DAAM1: variants seen among roughly 807,000 people sequenced by gnomAD.
The protein encoded by DAAM1 is dishevelled associated activator of morphogenesis 1.
Under a neutral mutation model 130.0 loss-of-function variants are expected in DAAM1, and 52 were observed. That is an observed-to-expected ratio of 0.40 (90% confidence interval 0.32 to 0.50). The LOEUF is 0.50. DAAM1 is among the 20% of genes least tolerant of loss of function. DAAM1 has a pLI of 0.61. For synonymous variants in DAAM1, 452 were observed against 444.5 expected (o/e 1.02, Z -0.21); for missense variants, 1,134 against 1,303.8 (o/e 0.87, Z 2.01).
intron 1 of DAAM1, among the ~76,000 whole-genome samples, chr14:59,192,500 G>C (rs1887763808): frequency 1.3e-5 from 2 of 152,106 alleles, no homozygotes; most frequent in African/African-American, 4.8e-5. Flanking sequence ...GCCGTGCTCT[G>C]GTATTTCCAG....
At chr14:59,275,201 C>T (rs999976243) in intron 2 of DAAM1, among the ~76,000 whole-genome samples, 13 of 152,000 alleles carry the variant, frequency 8.6e-5, no homozygotes, top group African/African-American at 2.4e-4. Context: ...GCTGTATCCC[C>T]GGAGATGAAG....
chr14:59,269,676 T>G (rs548053526), intron 2 of DAAM1, among the ~76,000 whole-genome samples: 4 of 152,314 alleles, frequency 2.6e-5, no homozygotes, highest in African/African-American at 9.6e-5. Flanking sequence ...CCCCCATGAT[T>G]GCCTAACCTA....
chr14:59,360,817 CAAAG>C lies in DAAM1; in HGVS notation c.2653_2656del (p.Glu885Ter). 6.2e-7 allele frequency: 1 copy of C among 1,613,764 alleles called. No homozygotes were observed. The highest frequency in any genetic ancestry group is 8.5e-7 in the Non-Finnish European group (1 of 1,179,842). Reference sequence around the variant, plus strand: ...TTTACAACAGCATGACTGAGCTGGACAAAGAAATAAGTACCTTGAGAAGTGGCTT... The same window carrying C: ...TTTACAACAGCATGACTGAGCTGGACAAATAAGTACCTTGAGAAGTGGCTT... On this transcript the variant is annotated frameshift_variant, in exon 22 of 25. Transcript: ENST00000360909. LOFTEE classifies it high-confidence loss of function.
intron 3 of DAAM1, among the ~76,000 whole-genome samples, chr14:59,304,315 C>T (rs1884294632): frequency 6.6e-6 from 1 of 152,228 alleles, no homozygotes; most frequent in Non-Finnish European, 1.5e-5. Context: ...ACTATTGAAT[C>T]ATTCCATTCT....
chr14:59,360,270 TAAAAA>T (rs199932148), intron 21 of DAAM1, among the ~76,000 whole-genome samples: 2 of 152,064 alleles, frequency 1.3e-5, no homozygotes, highest in African/African-American at 4.8e-5. Flanking sequence ...CTTTCTCTAT[TAAAAA>T]AAAGATGAAA....
At chr14:59,202,554 T>C (rs1230526789) in intron 1 of DAAM1, among the ~76,000 whole-genome samples, 1 of 152,252 alleles carries the variant, frequency 6.6e-6, no homozygotes, top group Non-Finnish European at 1.5e-5. Context: ...AGCGTATACA[T>C]TTCAGAATGC....
intron 12 of DAAM1, among the ~76,000 whole-genome samples, chr14:59,327,398 G>GTTTTTTTTTTTTTTTTTTTTTTTTTT (rs1338982717): frequency 2.7e-5 from 2 of 72,772 alleles, no homozygotes; most frequent in African/African-American, 7.4e-5. Context: ...AGGTCACTTG[G>GTTTTTTTTTTTTTTTTTTTTTTTTTT]TTTCTTTTTT....
intron 20 of DAAM1, among the ~76,000 whole-genome samples, chr14:59,358,528 C>CT (rs1214195795): frequency 2.0e-5 from 3 of 152,160 alleles, no homozygotes; most frequent in Non-Finnish European, 2.9e-5. Context: ...TCTGACCACC[C>CT]TTTGGGTGAA....
At chr14:59,348,496 G>C (rs550377862) in intron 17 of DAAM1, among the ~76,000 whole-genome samples, 1 of 152,050 alleles carries the variant, frequency 6.6e-6, no homozygotes, top group Admixed American at 6.5e-5. Flanking sequence ...CTATAAGATC[G>C]TTCCATCCTT....
chr14:59,327,402 C>CTTATTT (rs1885248870), intron 12 of DAAM1, among the ~76,000 whole-genome samples: 1 of 58,992 alleles, frequency 1.7e-5, no homozygotes, highest in African/African-American at 7.7e-5. Flanking sequence ...CACTTGGTTT[C>CTTATTT]TTTTTTTTTT....
At chr14:59,196,370 C>T (rs545934086) in intron 1 of DAAM1, among the ~76,000 whole-genome samples, 1 of 152,208 alleles carries the variant, frequency 6.6e-6, no homozygotes, top group Non-Finnish European at 1.5e-5. Flanking sequence ...TGTTTAGACA[C>T]AAGTTAGAAC....
chr14:59,351,171 A>G (rs943978493), intron 17 of DAAM1, among the ~76,000 whole-genome samples: 1 of 151,770 alleles, frequency 6.6e-6, no homozygotes, highest in South Asian at 2.1e-4. Flanking sequence ...ATATACCACA[A>G]TCCATCAAGT....
At chr14:59,317,381 G>T (rs1481689746) in intron 4 of DAAM1, among the ~76,000 whole-genome samples, 2 of 152,092 alleles carry the variant, frequency 1.3e-5, no homozygotes, top group Non-Finnish European at 2.9e-5. Context: ...TCAACATTCT[G>T]ATTGCCACCA....
intron 1 of DAAM1, among the ~76,000 whole-genome samples, chr14:59,260,167 G>A (rs886617501): frequency 1.3e-5 from 2 of 152,132 alleles, no homozygotes; most frequent in African/African-American, 2.4e-5. Flanking sequence ...TTGAAAAGCT[G>A]GTATGTAGAT....
intron 2 of DAAM1, among the ~76,000 whole-genome samples, chr14:59,267,334 A>G (rs1012092819): frequency 2.0e-5 from 3 of 152,178 alleles, no homozygotes; most frequent in Admixed American, 6.5e-5. Flanking sequence ...TAGTAAAGCA[A>G]GCCTCAATAG....
chr14:59,268,994 T>C (rs955708963), intron 2 of DAAM1, among the ~76,000 whole-genome samples: 1 of 152,250 alleles, frequency 6.6e-6, no homozygotes, highest in African/African-American at 2.4e-5. Flanking sequence ...ATGTTAGCAA[T>C]AGACGATTTC....
At chr14:59,221,489 T>C (rs754045653) in intron 1 of DAAM1, among the ~76,000 whole-genome samples, 6 of 152,230 alleles carry the variant, frequency 3.9e-5, no homozygotes, top group Non-Finnish European at 8.8e-5. Context: ...CTGGTTATGA[T>C]TCTTTATCTG....
chr14:59,352,971 A>G lies in DAAM1; in HGVS notation c.2267+339A>G, dbSNP rs536446264. ...GTCTCATACTTCCAAGTAGCTTAGC[A>G]TGGCAAGGTGGTTGTAAAACAAAAA... On this transcript the variant is annotated intron_variant, in intron 18 of 24. Coordinates refer to ENST00000360909, the MANE Select transcript of DAAM1 (RefSeq NM_001270520.2). 2.0e-5 allele frequency among the ~76,000 whole-genome samples: 3 copies of G among 148,294 alleles called. No individual in the cohort carries two copies. In the Admixed American group the frequency reaches 2.0e-4, roughly 10 times the overall value.
intron 3 of DAAM1, among the ~76,000 whole-genome samples, chr14:59,296,401 G>A (rs1244822167): frequency 6.6e-6 from 1 of 152,172 alleles, no homozygotes; most frequent in African/African-American, 2.4e-5. Flanking sequence ...TGTTTGATGT[G>A]TATTGAGTAT....
Sources: allele counts gnomAD v4.1 joint callset (sites outside exome capture counted in the v4.1 genomes callset), GRCh38; gene constraint gnomAD v4.1.1; transcripts MANE v1.5; gene names NCBI Gene and HGNC (gene_info 2026-07-23, HGNC 2026-07-21).